Variants in SHQ1 observed in about 807,000 individuals in gnomAD.
SHQ1 encodes SHQ1, H/ACA ribonucleoprotein assembly factor.
SHQ1 carries 49 observed loss-of-function variants against 53.8 expected under a neutral mutation model. The ratio of observed to expected loss-of-function variants is 0.91; its 90% CI spans 0.72 to 1.16. The LOEUF (loss-of-function observed/expected upper bound fraction) is 1.16, where lower values mean the gene tolerates loss of function less well. SHQ1 is among the 50% of genes most tolerant of loss of function. The pLI is 0.00. For synonymous variants in SHQ1, 243 were observed against 251.0 expected, an observed-to-expected ratio of 0.97 and a Z score of 0.30; for missense variants, 738 against 683.1, an observed-to-expected ratio of 1.08 and a Z score of -0.90.
Position 72,812,785 on chromosome 3 carries a change from T to C in SHQ1, c.946A>G (p.Asn316Asp), listed in dbSNP as rs762245742. ...AAAGACACCATGATATCATGAACGT[T>C]AGTCCAAGTCTGTGAAGTGTCATTT... is the stretch of plus-strand genomic sequence containing the variant. ...PTLCWFETWT[N>D]VHDIMVSFGR... The change falls in exon 9 of 11, where the codon AAC becomes GAC. Residue 316 changes from asparagine (N) to aspartate (D), a missense_variant. Transcript: ENST00000325599. 6 of 1,613,936 alleles carry C rather than the reference T, an allele frequency of 3.7e-6. No individual in the cohort carries two copies. The African/African-American group carries it at 6.7e-5, about 18-fold the overall frequency.
intron 10 of SHQ1, among the ~76,000 whole-genome samples, chr3:72,783,758 T>C (rs1265859722): frequency 6.6e-6 from 1 of 152,212 alleles, no homozygotes; most frequent in African/African-American, 2.4e-5. Context: ...GGATTCATGA[T>C]GATTAGAATG....
At chr3:72,827,350 A>G (rs1206855211) in intron 5 of SHQ1, among the ~76,000 whole-genome samples, 1 of 152,102 alleles carries the variant, frequency 6.6e-6, no homozygotes. Flanking sequence ...CAAGAAGAGG[A>G]TAAAATTGCC....
At chr3:72,821,446 C>G (rs1354716887) in intron 6 of SHQ1, among the ~76,000 whole-genome samples, 1 of 152,134 alleles carries the variant, frequency 6.6e-6, no homozygotes, top group Non-Finnish European at 1.5e-5. Flanking sequence ...AAATCTGGAT[C>G]ACTACAAAGC....
rs1219109058 is a variant in SHQ1 at position 72,846,315 on chromosome 3, T to TA, written c.143+1882dup. The TA allele has an allele frequency of 8.1e-5, 111 of 1,378,244 alleles. 1 individual carries two copies. In the African/African-American group the frequency reaches 9.1e-4, roughly 11 times the overall value. 85.4% of individuals were successfully genotyped at this position (1,378,244 alleles called of 1,614,324 possible). On this transcript the variant is annotated intron_variant, in intron 1 of 10. Transcript: ENST00000325599. ...TGTATGTTCTTTTTTTTTTTTTTTT[T>TA]AGACAGTCTCGCTCTGTTACTCAGG...
At chr3:72,753,366 G>A (rs542612015) in intron 10 of SHQ1, 119 of 985,396 alleles carry the variant, frequency 1.2e-4, no homozygotes, top group Middle Eastern at 1.0e-3. Context: ...GGTACAATGG[G>A]AAATACCGAA....
chr3:72,794,533 A>G (rs1706543241), intron 9 of SHQ1: 1 of 152,196 alleles, frequency 6.6e-6, no homozygotes, highest in Non-Finnish European at 1.5e-5. Context: ...TGCTCCTTGT[A>G]TCTGCCCTTT....
chr3:72,793,102 T>C, intron 9 of SHQ1, 66 bp from the exon 10 acceptor site: 1 of 1,402,980 alleles, frequency 7.1e-7, no homozygotes, highest in Non-Finnish European at 9.8e-7. Context: ...TGAGAGGTAA[T>C]ATATCTAAAG....
In SHQ1 at chr3:72,750,590, T is replaced by A. The variant is rs1705345473; in HGVS notation, c.1428A>T (p.Glu476Asp). 6.2e-7 allele frequency: 1 copy of A among 1,614,122 alleles called. No individual in the cohort carries two copies. Among genetic ancestry groups the A allele is most frequent in the African/African-American group, 1.3e-5 (1 of 74,946 alleles). ...ATGGACTATCTTTGAGTTCATCTTGTTCTGAATCTGAGCCTGAGTCTTCGT... is the reference window on the plus strand; with the variant it reads ...ATGGACTATCTTTGAGTTCATCTTGATCTGAATCTGAGCCTGAGTCTTCGT... ...SGNEDSGSDS[E>D]QDELKDSPSE... Residue 476 changes from glutamate to aspartate, a missense_variant, in exon 11 of 11, where the codon GAA becomes GAT. Glu to Asp is a conservative substitution (Grantham distance 45, BLOSUM62 2). Transcript: ENST00000325599.
intron 6 of SHQ1, among the ~76,000 whole-genome samples, chr3:72,823,502 A>C (rs947729345): frequency 2.0e-5 from 3 of 152,224 alleles, no homozygotes; most frequent in African/African-American, 4.8e-5. Flanking sequence ...ACAGGAAGTC[A>C]CCCAAATGTC....
the SHQ1 span, among the ~76,000 whole-genome samples, chr3:72,728,029 G>A: frequency 2.6e-5 from 4 of 152,202 alleles, no homozygotes; most frequent in Non-Finnish European, 5.9e-5. Context: ...TTAGGGGCAT[G>A]TTCCCTACTG....
the SHQ1 span, among the ~76,000 whole-genome samples, chr3:72,735,930 T>A: frequency 6.6e-6 from 1 of 152,078 alleles, no homozygotes; most frequent in Admixed American, 6.5e-5. Flanking sequence ...TCCTTCCATG[T>A]CTGCTTTCTG....
rs1708170114 is a variant in SHQ1, at chr3:72,841,184, G to A, written c.347C>T (p.Pro116Leu). 5 of 1,612,176 alleles carry A rather than the reference G, an allele frequency of 3.1e-6. No homozygotes were observed. Among genetic ancestry groups the A allele is most frequent in the Non-Finnish European group, 4.2e-6 (5 of 1,179,414 alleles). ...CTCTTCATCGTCAACTACTTCCTCAGGAATCTCAGAAGCACCTGAATGTGT... is the reference window on the plus strand; with the variant it reads ...CTCTTCATCGTCAACTACTTCCTCAAGAATCTCAGAAGCACCTGAATGTGT... ...LVEEIGASEI[P>L]EEVVDDEEFD... The change falls in exon 4 of 11, where the codon CCT becomes CTT. Residue 116 changes from proline (P) to leucine (L), a missense_variant. Coordinates refer to ENST00000325599, the MANE Select transcript of SHQ1 (RefSeq NM_018130.3).
intron 5 of SHQ1, among the ~76,000 whole-genome samples, chr3:72,829,476 C>T (rs1707764824): frequency 6.6e-6 from 1 of 152,208 alleles, no homozygotes; most frequent in African/African-American, 2.4e-5. Flanking sequence ...TTAGCATGTA[C>T]TTCATTCAGA....
intron 5 of SHQ1, among the ~76,000 whole-genome samples, chr3:72,825,802 T>C (rs1001913365): frequency 1.3e-5 from 2 of 152,232 alleles, no homozygotes; most frequent in Admixed American, 6.5e-5. Context: ...TATAATCTTA[T>C]ATCAGTTTCT....
chr3:72,775,976 T>A (rs185237875), intron 10 of SHQ1, among the ~76,000 whole-genome samples: 1 of 152,120 alleles, frequency 6.6e-6, no homozygotes, highest in Non-Finnish European at 1.5e-5. Flanking sequence ...ATAAGATAAA[T>A]ATATTACCAC....
At chr3:72,733,644 GA>G in the SHQ1 span, among the ~76,000 whole-genome samples, 1 of 151,482 alleles carries the variant, frequency 6.6e-6, no homozygotes, top group Non-Finnish European at 1.5e-5. Context: ...ACATTTCACA[GA>G]CATATAAATT....
At chr3:72,752,135 T>C (rs1489656194) in intron 10 of SHQ1, among the ~76,000 whole-genome samples, 5 of 152,202 alleles carry the variant, frequency 3.3e-5, no homozygotes, top group Non-Finnish European at 5.9e-5. Flanking sequence ...CGGAATAGCC[T>C]ACAGCTGTAC....
the SHQ1 span, among the ~76,000 whole-genome samples, chr3:72,741,014 G>A: frequency 6.6e-6 from 1 of 152,164 alleles, no homozygotes; most frequent in Non-Finnish European, 1.5e-5. Context: ...AGCAGGACTT[G>A]GATTATCCCA....
At chr3:72,780,033 C>T (rs993362138) in intron 10 of SHQ1, among the ~76,000 whole-genome samples, 4 of 152,062 alleles carry the variant, frequency 2.6e-5, no homozygotes, top group African/African-American at 4.8e-5. Flanking sequence ...GCCAGGAGTT[C>T]GAGACCAGCC....
Sources: allele counts gnomAD v4.1 joint callset (sites outside exome capture counted in the v4.1 genomes callset), GRCh38; gene constraint gnomAD v4.1.1; transcripts MANE v1.5; gene names NCBI Gene and HGNC (gene_info 2026-07-23, HGNC 2026-07-21).